Variants in MAGI1 observed in about 807,000 individuals in gnomAD.
MAGI1 encodes the protein membrane associated guanylate kinase, WW and PDZ domain containing 1.
A neutral mutation model predicts 139.9 loss-of-function variants in MAGI1; 58 were observed. The ratio of observed to expected loss-of-function variants is 0.41; its 90% CI spans 0.34 to 0.52. The LOEUF (loss-of-function observed/expected upper bound fraction) is 0.52. MAGI1 is among the 20% of genes least tolerant of loss of function. The pLI is 0.12. For missense variants in MAGI1, 1,874 were observed against 1,901.6 expected (o/e 0.99, Z 0.27); for synonymous variants, 812 against 737.9 (o/e 1.10, Z -1.63).
chr3:65,712,022 A>C (rs780406660), intron 1 of MAGI1, among the ~76,000 whole-genome samples: 6 of 152,156 alleles, frequency 3.9e-5, no homozygotes. Flanking sequence ...AAACTTCATG[A>C]GGACAGAAAG....
chr3:65,837,156 C>T (rs773486798), intron 1 of MAGI1, among the ~76,000 whole-genome samples: 11 of 152,118 alleles, frequency 7.2e-5, no homozygotes, highest in African/African-American at 2.2e-4. Flanking sequence ...TGCTTCTCCA[C>T]GAAGTATTAT....
chr3:65,645,667 T>C (rs537655325), intron 1 of MAGI1, among the ~76,000 whole-genome samples: 2 of 152,274 alleles, frequency 1.3e-5, no homozygotes, highest in African/African-American at 4.8e-5. Context: ...TTTTCTAAAT[T>C]AGGTTTGAAG....
chr3:65,531,053 T>C (rs2078691028), intron 2 of MAGI1, among the ~76,000 whole-genome samples: 1 of 151,704 alleles, frequency 6.6e-6, no homozygotes, highest in African/African-American at 2.4e-5. Flanking sequence ...GTGTAATGCT[T>C]AACAAAGTGC....
At chr3:65,500,688 T>C (rs1204255524) in intron 2 of MAGI1, among the ~76,000 whole-genome samples, 1 of 152,182 alleles carries the variant, frequency 6.6e-6, no homozygotes, top group African/African-American at 2.4e-5. Context: ...CGCCATGCGG[T>C]TTCAAGATGT....
intron 12 of MAGI1, among the ~76,000 whole-genome samples, chr3:65,403,530 A>ATG (rs921591972): frequency 2.6e-5 from 4 of 152,198 alleles, no homozygotes; most frequent in African/African-American, 9.7e-5. Flanking sequence ...ATTATATAAG[A>ATG]TGACATCTTT....
Position 65,359,275 on chromosome 3 carries a change from A to AC in MAGI1, c.3634+1923dup, listed in dbSNP as rs146962317. ...AAAGAAAAAAAATCTACATTTGTTAACATAGGGCAAAGAGAGTTTATTTGT... is the reference window on the plus strand; with the variant it reads ...AAAGAAAAAAAATCTACATTTGTTAACCATAGGGCAAAGAGAGTTTATTTGT... On this transcript the variant is annotated intron_variant, in intron 22 of 22. Transcript: ENST00000402939. 1,460 of 1,510,306 alleles carry AC rather than the reference A, an allele frequency of 9.7e-4. 10 individuals carry two copies. The African/African-American group carries it at 0.012, about 13-fold the overall frequency. The allele number at this position is 1,510,306 out of a possible 1,614,324, so 93.6% of individuals were successfully genotyped here. A position where few individuals can be genotyped will look rare whatever the true frequency, so the allele number is the denominator to read the frequency against.
chr3:65,448,002 A>G lies in MAGI1; in HGVS notation c.1078+20T>C, dbSNP rs1166139979. 1 of 1,613,894 alleles carries G rather than the reference A, an allele frequency of 6.2e-7. No individual in the cohort carries two copies. Among genetic ancestry groups the G allele is most frequent in the African/African-American group, 1.3e-5 (1 of 74,932 alleles). On this transcript the variant is annotated intron_variant, in intron 7 of 22. Coordinates refer to ENST00000402939, the MANE Select transcript of MAGI1 (RefSeq NM_001033057.2). ...TGTCATGCACGTGTCATGCAGCAGC[A>G]GCAGGCAGGGAGGGTTTACCTAGTT...
chr3:65,591,513 C>T (rs1464586209), intron 2 of MAGI1, among the ~76,000 whole-genome samples: 1 of 152,208 alleles, frequency 6.6e-6, no homozygotes, highest in African/African-American at 2.4e-5. Context: ...GTGCTCTCTG[C>T]TTCCGCTCCT....
In MAGI1 at chr3:65,643,884, C is replaced by G. The variant is rs76206384; in HGVS notation, c.314-21796G>C. 6.8e-3 allele frequency among the ~76,000 whole-genome samples: 1,036 copies of G among 152,256 alleles called. 17 individuals are homozygous for G. Among genetic ancestry groups the G allele is most frequent in the African/African-American group, 0.024 (996 of 41,564 alleles). ...CTGTATTGGGGTCACCTAATCTCTG[C>G]TCCTCATTCTGGGGTACTGTCAAAG... is the stretch of plus-strand genomic sequence containing the variant. On this transcript the variant is annotated intron_variant, in intron 1 of 22. Coordinates refer to ENST00000402939, the MANE Select transcript of MAGI1 (RefSeq NM_001033057.2).
rs111780350 is a variant in MAGI1 at position 65,388,111 on chromosome 3, G to A, written c.2416+3031C>T. Among the ~76,000 whole-genome samples, 1,484 of 152,244 alleles carry A rather than the reference G, an allele frequency of 9.7e-3. 8 individuals carry two copies. The highest frequency in any genetic ancestry group is 0.014 in the Non-Finnish European group (919 of 68,024). On this transcript the variant is annotated intron_variant, in intron 14 of 22. Coordinates refer to ENST00000402939, the MANE Select transcript of MAGI1 (RefSeq NM_001033057.2). ...TGGCTTTTAAAGGACTTCAGTGCTC[G>A]TCTTTGTTTTTAATTAAACATTGAA...
intron 1 of MAGI1, among the ~76,000 whole-genome samples, chr3:65,888,095 TAGCGAA>T (rs2060601868): frequency 1.3e-5 from 2 of 152,206 alleles, no homozygotes; most frequent in Admixed American, 1.3e-4. Context: ...CCCAGTTGAT[TAGCGAA>T]ATTACCTTCT....
chr3:65,473,391 C>T (rs1950670340), intron 4 of MAGI1, among the ~76,000 whole-genome samples: 1 of 152,082 alleles, frequency 6.6e-6, no homozygotes, highest in Admixed American at 6.6e-5. Context: ...AAGTGCCTGG[C>T]ACCTGGGGCA....
rs546380362 is a variant in MAGI1, at chr3:65,900,441, A to G, written c.313+137555T>C. On this transcript the variant is annotated intron_variant, in intron 1 of 22. Coordinates refer to ENST00000402939, the MANE Select transcript of MAGI1 (RefSeq NM_001033057.2). The stretch of plus-strand genomic sequence containing the variant: ...AGTCATGTATTATTTGCCTAGTGTT[A>G]GACTTGAAAAAGGGCTTAGTATATG... Among the ~76,000 whole-genome samples the G allele has an allele frequency of 1.2e-3, 178 of 152,340 alleles. 1 individual carries two copies. The highest frequency in any genetic ancestry group is 2.1e-3 in the Non-Finnish European group (143 of 68,034).
Position 65,700,210 on chromosome 3 carries a change from G to A in MAGI1, c.314-78122C>T, listed in dbSNP as rs61478334. ...TGTAATTCCAGCATTTTGGGAGGCC[G>A]AGGCGGGCAGATCACGAGGTCAGGA... On this transcript the variant is annotated intron_variant, in intron 1 of 22. Transcript: ENST00000402939. Among the ~76,000 whole-genome samples the A allele has an allele frequency of 3.2e-3, 490 of 152,228 alleles. 5 individuals carry two copies. The highest frequency in any genetic ancestry group is 0.011 in the African/African-American group (467 of 41,538).
intron 1 of MAGI1, among the ~76,000 whole-genome samples, chr3:66,000,121 C>T (rs1453102106): frequency 6.6e-6 from 1 of 151,818 alleles, no homozygotes; most frequent in Non-Finnish European, 1.5e-5. Context: ...TACAGGCGCC[C>T]GCTACCATGC....
At chr3:65,404,012 T>C (rs1223342114) in intron 12 of MAGI1, among the ~76,000 whole-genome samples, 1 of 152,164 alleles carries the variant, frequency 6.6e-6, no homozygotes, top group Non-Finnish European at 1.5e-5. Flanking sequence ...CACTGCAGAA[T>C]GGCAGGCACA....
intron 10 of MAGI1, among the ~76,000 whole-genome samples, chr3:65,431,823 TAA>T (rs542312627): frequency 6.9e-6 from 1 of 144,316 alleles, no homozygotes. Context: ...CTGTCTCTAC[TAA>T]AAAAAAAAAA....
intron 1 of MAGI1, among the ~76,000 whole-genome samples, chr3:65,712,457 A>G (rs1436324866): frequency 8.5e-5 from 12 of 141,750 alleles, no homozygotes; most frequent in African/African-American, 2.8e-4. Flanking sequence ...CCAAGCAAGA[A>G]AAAAAAAAAA....
At chr3:65,438,089 C>T (rs1305479204) in intron 9 of MAGI1, among the ~76,000 whole-genome samples, 1 of 152,168 alleles carries the variant, frequency 6.6e-6, no homozygotes, top group Non-Finnish European at 1.5e-5. Context: ...ATGTTTACTG[C>T]AGCACTACTC....
Sources: allele counts gnomAD v4.1 joint callset (sites outside exome capture counted in the v4.1 genomes callset), GRCh38; gene constraint gnomAD v4.1.1; transcripts MANE v1.5; gene names NCBI Gene and HGNC (gene_info 2026-07-23, HGNC 2026-07-21).